HIVEP1: variants seen among roughly 807,000 people sequenced by gnomAD.
HIVEP1 encodes the protein zinc finger protein 40.
In HIVEP1, 36 loss-of-function variants were observed where a neutral mutation model predicts 180.0. The observed-to-expected ratio is 0.20, with a 90% CI of 0.15 to 0.26. The LOEUF (loss-of-function observed/expected upper bound fraction) is 0.26. Among genes scored for constraint, HIVEP1 ranks in the 10% least tolerant of loss-of-function variants. The pLI is 1.00. For missense variants in HIVEP1, 3,143 were observed against 3,268.7 expected (o/e 0.96, Z 0.94); for synonymous variants, 1,239 against 1,239.0 (o/e 1.00, Z 0.00).
intron 2 of HIVEP1, among the ~76,000 whole-genome samples, chr6:12,052,447 G>C (rs922743838): frequency 8.5e-5 from 13 of 152,140 alleles, no homozygotes; most frequent in African/African-American, 3.1e-4. Flanking sequence ...AATAGTGTCC[G>C]AACCTTATGT....
At chr6:12,011,270 T>TAC (rs1767268015), upstream of HIVEP1, among the ~76,000 whole-genome samples, 7 of 71,636 alleles carry the variant, frequency 9.8e-5, no homozygotes, top group Non-Finnish European at 1.8e-4. Flanking sequence ...CCCCTTGGGG[T>TAC]CCCCCCCCCC....
chr6:12,039,520 C>T (rs929766383), intron 2 of HIVEP1, among the ~76,000 whole-genome samples: 3 of 152,192 alleles, frequency 2.0e-5, no homozygotes, highest in Admixed American at 1.3e-4. Flanking sequence ...CATCCTCTGT[C>T]CTTACCTTCA....
intron 1 of HIVEP1, among the ~76,000 whole-genome samples, chr6:12,014,884 T>C (rs188825684): frequency 1.5e-4 from 23 of 152,362 alleles, no homozygotes; most frequent in Non-Finnish European, 2.4e-4. Flanking sequence ...TAGCCAGAGC[T>C]GACTTTGTGG....
intron 2 of HIVEP1, among the ~76,000 whole-genome samples, chr6:12,017,545 C>T (rs1329313726): frequency 6.6e-6 from 1 of 152,210 alleles, no homozygotes; most frequent in Non-Finnish European, 1.5e-5. Flanking sequence ...GCAACTGCTG[C>T]CTCCGGCAGC....
At chr6:12,131,886 G>C (rs1374950565) in intron 6 of HIVEP1, among the ~76,000 whole-genome samples, 1 of 149,856 alleles carries the variant, frequency 6.7e-6, no homozygotes, top group South Asian at 2.1e-4. Flanking sequence ...TGTCTTTGCA[G>C]TTTTTGTTTT....
intron 2 of HIVEP1, among the ~76,000 whole-genome samples, chr6:12,082,621 T>C (rs942815448): frequency 6.6e-6 from 1 of 152,192 alleles, no homozygotes; most frequent in African/African-American, 2.4e-5. Context: ...CTCTGCTCTC[T>C]CTAGATTCAT....
the HIVEP1 span, among the ~76,000 whole-genome samples, chr6:12,176,968 GA>G: frequency 6.6e-6 from 1 of 152,176 alleles, no homozygotes; most frequent in Non-Finnish European, 1.5e-5. Flanking sequence ...ATACACCATG[GA>G]ATACTATGCA....
At chr6:12,205,026 G>A in the HIVEP1 span, among the ~76,000 whole-genome samples, 117,564 of 151,988 alleles carry the variant, frequency 0.77, 46,421 homozygotes, top group South Asian at 0.9. Context: ...CTGTGTGTTC[G>A]GGATTGTGTT....
intron 2 of HIVEP1, among the ~76,000 whole-genome samples, chr6:12,058,845 T>G (rs955932988): frequency 5.3e-5 from 8 of 152,332 alleles, no homozygotes; most frequent in Admixed American, 4.6e-4. Context: ...TGCATGTAAA[T>G]ATCTATGTAA....
chr6:12,197,492 G>A, the HIVEP1 span, among the ~76,000 whole-genome samples: 2 of 149,496 alleles, frequency 1.3e-5, no homozygotes, highest in South Asian at 4.2e-4. Flanking sequence ...CTGGGAGGTT[G>A]CAGTGAGCCG....
chr6:12,066,862 GAC>G (rs903757111), intron 2 of HIVEP1, among the ~76,000 whole-genome samples: 2 of 109,318 alleles, frequency 1.8e-5, no homozygotes, highest in Non-Finnish European at 4.0e-5. Flanking sequence ...TTCAAACAAA[GAC>G]ACTGTGTGTG....
intron 7 of HIVEP1, among the ~76,000 whole-genome samples, chr6:12,149,524 G>A (rs1001682041): frequency 7.9e-5 from 12 of 152,186 alleles, no homozygotes; most frequent in Non-Finnish European, 4.4e-5. Context: ...AAGCACCCCA[G>A]TATAGTACTT....
chr6:12,123,732 T>A lies in HIVEP1; in HGVS notation c.3937T>A (p.Ser1313Thr), dbSNP rs1424998559. Residue 1313 changes from serine (S) to threonine (T), a missense_variant, in exon 4 of 9, where the codon TCT becomes ACT. Transcript: ENST00000379388. ...GAGTCTAAGTAGGGAGAGCAGTTTATCTCACACTTCAAGTTTCTCAGCCTC... is the reference window on the plus strand; with the variant it reads ...GAGTCTAAGTAGGGAGAGCAGTTTAACTCACACTTCAAGTTTCTCAGCCTC... ...SRSLSRESSL[S>T]HTSSFSASLD... 6.2e-7 allele frequency: 1 copy of A among 1,614,176 alleles called. No homozygotes were observed. Among genetic ancestry groups the A allele is most frequent in the Admixed American group, 1.7e-5 (1 of 60,022 alleles).
intron 2 of HIVEP1, chr6:12,039,157 T>G (rs1170015178): frequency 2.0e-5 from 3 of 152,230 alleles, no homozygotes; most frequent in African/African-American, 7.2e-5. Context: ...AATCTGTGAT[T>G]ATGTAAAAAA....
At chr6:12,057,857 A>C (rs1770976925) in intron 2 of HIVEP1, among the ~76,000 whole-genome samples, 1 of 152,198 alleles carries the variant, frequency 6.6e-6, no homozygotes, top group Non-Finnish European at 1.5e-5. Context: ...AGTAACTGTA[A>C]AATGTGAAGA....
At chr6:12,176,735 C>T in the HIVEP1 span, among the ~76,000 whole-genome samples, 4 of 152,002 alleles carry the variant, frequency 2.6e-5, no homozygotes, top group Admixed American at 6.6e-5. Flanking sequence ...GGATATTAGA[C>T]CTTTGTCAGA....
In HIVEP1 at chr6:12,012,510, G is replaced by T; in HGVS notation, c.-160G>T. On this transcript the variant is annotated 5_prime_UTR_variant, in exon 1 of 9. Transcript: ENST00000379388. The stretch of plus-strand genomic sequence containing the variant: ...CGAGCCGCGGCCGCCGCCATCAGCA[G>T]CGCAGCTCCAGGGCCGGCTGCAGCG... 1 of 150,542 alleles carries T rather than the reference G, an allele frequency of 6.6e-6. No homozygotes were observed. Among genetic ancestry groups the T allele is most frequent in the South Asian group, 2.0e-4 (1 of 4,998 alleles). 9.3% of individuals were successfully genotyped at this position (150,542 alleles called of 1,614,324 possible).
At chr6:12,082,372 C>T (rs940333815) in intron 2 of HIVEP1, among the ~76,000 whole-genome samples, 6 of 152,116 alleles carry the variant, frequency 3.9e-5, no homozygotes, top group Non-Finnish European at 5.9e-5. Context: ...CCAGGTGCTA[C>T]TGATTATTCA....
At chr6:12,049,638 G>C (rs904584781) in intron 2 of HIVEP1, among the ~76,000 whole-genome samples, 1 of 152,196 alleles carries the variant, frequency 6.6e-6, no homozygotes, top group Non-Finnish European at 1.5e-5. Context: ...TGCTTGCTCA[G>C]ATAATAAATG....
Sources: allele counts gnomAD v4.1 joint callset (sites outside exome capture counted in the v4.1 genomes callset), GRCh38; gene constraint gnomAD v4.1.1; transcripts MANE v1.5; gene names NCBI Gene and HGNC (gene_info 2026-07-23, HGNC 2026-07-21).